Variants in RNF31 observed in about 807,000 individuals in gnomAD.
RNF31 encodes E3 ubiquitin-protein ligase RNF31.
In RNF31, 38 loss-of-function variants were observed where a neutral mutation model predicts 133.6. The observed-to-expected ratio is 0.28, with a 90% CI of 0.22 to 0.37. The LOEUF (loss-of-function observed/expected upper bound fraction) is 0.37. Ranked by LOEUF, RNF31 falls within the 10% of genes least tolerant of loss-of-function variation. RNF31 has a pLI of 1.00. For synonymous variants in RNF31, 582 were observed against 552.3 expected (o/e 1.05, Z -0.75); for missense variants, 1,118 against 1,394.1 (o/e 0.80, Z 3.15).
upstream of RNF31, chr14:24,147,253 A>T (rs1180070265): frequency 6.0e-6 from 1 of 167,620 alleles, no homozygotes; most frequent in African/African-American, 2.4e-5. Context: ...GCTGAATAGG[A>T]TAACCCCGCG....
chr14:24,152,426 C>T (rs78790231), intron 11 of RNF31, among the ~76,000 whole-genome samples: 1 of 107,200 alleles, frequency 9.3e-6, no homozygotes, highest in African/African-American at 4.5e-5. Flanking sequence ...TATTTATTTA[C>T]TTATTTATTT....
rs757086038 is a variant in RNF31, at chr14:24,155,115, T to C, written c.2131-42T>C. 1.3e-6 allele frequency: 2 copies of C among 1,592,430 alleles called. No individual in the cohort carries two copies. The highest frequency in any genetic ancestry group is 2.7e-5 in the African/African-American group (2 of 74,550). ...ACTGCCTCTTCCCTAGCCTGGCAGCTGTGGCTTCTGACCCCCTCCCCTCCA... is the reference window on the plus strand; with the variant it reads ...ACTGCCTCTTCCCTAGCCTGGCAGCCGTGGCTTCTGACCCCCTCCCCTCCA... On this transcript the variant is annotated intron_variant, in intron 11 of 20. Transcript: ENST00000324103. The surrounding 1 kb of genome is among the most constrained non-coding windows in gnomAD (Gnocchi z 4.9).
chr14:24,149,425 C>T lies in RNF31; in HGVS notation c.651C>T (p.Cys217=). Residue 217 remains cysteine (C), a synonymous_variant, in exon 6 of 21, where the codon TGC becomes TGT. Transcript: ENST00000324103. ...CTCCAGGCTCCACTCCTGGTCCCTG[C>T]TTCCTCTGTGGTTCTGCCCCAGGCA... ...PSVPGSTPGP[C]FLCGSAPGTL... 1 of 1,614,062 alleles carries T rather than the reference C, an allele frequency of 6.2e-7. No homozygotes were observed.
chr14:24,160,288 G>A lies in RNF31; in HGVS notation c.3046G>A (p.Asp1016Asn). ...GAGCCTCATCAATGCCCACTCGCTG[G>A]ACCCAGCCACCTTGTATGAGGTGGA... ...LVSLINAHSL[D>N]PATLYEVEEL... The change falls in exon 20 of 21, where the codon GAC becomes AAC. Residue 1016 changes from aspartate to asparagine, a missense_variant. Asp to Asn is a conservative substitution (Grantham distance 23). This residue lies in a region of RNF31 where 170 missense variants were observed against 194.5 expected (regional missense o/e 0.87). Transcript: ENST00000324103. The surrounding 1 kb of genome is among the most constrained non-coding windows in gnomAD (Gnocchi z 4.0). 6.2e-7 allele frequency: 1 copy of A among 1,614,090 alleles called. No individual in the cohort carries two copies. Among genetic ancestry groups the A allele is most frequent in the Non-Finnish European group, 8.5e-7 (1 of 1,180,032 alleles).
chr14:24,159,363 A>AG (rs912079677), intron 18 of RNF31, among the ~76,000 whole-genome samples: 3 of 150,624 alleles, frequency 2.0e-5, no homozygotes, highest in Non-Finnish European at 3.0e-5. Flanking sequence ...AAAAAAAAAA[A>AG]AAAAAAAAAC....
intron 14 of RNF31, 104 bp from the exon 15 acceptor site, chr14:24,157,186 C>T: frequency 1.3e-6 from 1 of 786,868 alleles, no homozygotes; most frequent in East Asian, 2.7e-5. Context: ...GTGGCAGTGA[C>T]ATAAACCAAG....
chr14:24,159,373 C>A (rs1460683367), intron 18 of RNF31, among the ~76,000 whole-genome samples: 29 of 128,996 alleles, frequency 2.2e-4, no homozygotes, highest in East Asian at 6.3e-4. Flanking sequence ...AAAAAAAAAA[C>A]CAGAGGTAGC....
At chr14:24,152,580 G>A (rs965026481) in intron 11 of RNF31, among the ~76,000 whole-genome samples, 16 of 72,026 alleles carry the variant, frequency 2.2e-4, no homozygotes, top group East Asian at 1.7e-3. Flanking sequence ...CACCACACTC[G>A]GCTAATTTTT....
chr14:24,149,293 T>C, intron 5 of RNF31, 113 bp from the exon 6 acceptor site: 1 of 1,117,852 alleles, frequency 8.9e-7, no homozygotes. Flanking sequence ...TTAAAATTGT[T>C]TCCTTGGGTC....
chr14:24,159,161 A>T (rs1301598883), intron 18 of RNF31, among the ~76,000 whole-genome samples: 3 of 151,690 alleles, frequency 2.0e-5, no homozygotes, highest in African/African-American at 2.4e-5. Context: ...CCTGGCCAAC[A>T]AGGTGAAACC....
intron 5 of RNF31, 50 bp from the exon 6 acceptor site, chr14:24,149,356 A>C: frequency 9.5e-6 from 15 of 1,571,692 alleles, no homozygotes; most frequent in Non-Finnish European, 1.3e-5. Flanking sequence ...GCAGATTCAG[A>C]TGTAGCCTGG....
At position 24,155,768 on chromosome 14, in the gene RNF31, G is replaced by A. The variant is rs2038333300; in HGVS notation, c.2493+76G>A. The stretch of plus-strand genomic sequence containing the variant: ...CTGTGTTAGACTCAGGGGAGTTTGT[G>A]TACTGGAGAGCAAAACAGACATGAG... On this transcript the variant is annotated intron_variant, in intron 14 of 20. Coordinates refer to ENST00000324103, the MANE Select transcript of RNF31 (RefSeq NM_017999.5). The surrounding 1 kb of genome is among the most constrained non-coding windows in gnomAD (Gnocchi z 4.9). The A allele has an allele frequency of 2.4e-6, 3 of 1,274,488 alleles. No homozygotes were observed. The highest frequency in any genetic ancestry group is 3.4e-6 in the Non-Finnish European group (3 of 879,098). 78.9% of individuals were successfully genotyped at this position (1,274,488 alleles called of 1,614,324 possible).
chr14:24,150,843 A>C lies in RNF31; in HGVS notation c.1443A>C (p.Gln481His). The part of the protein sequence containing the change: ...SSCGDPEKQR[Q>H]DKMREEGLQL... ...GTGGAGATCCTGAGAAGCAGCGCCA[A>C]GACAAGATGCGGGAAGAAGGCCTCC... The change falls in exon 8 of 21, where the codon CAA becomes CAC. Residue 481 changes from glutamine to histidine, a missense_variant. Transcript: ENST00000324103. 3 of 1,577,094 alleles carry C rather than the reference A, an allele frequency of 1.9e-6. No individual in the cohort carries two copies. Among genetic ancestry groups the C allele is most frequent in the Non-Finnish European group, 1.7e-6 (2 of 1,160,190 alleles).
chr14:24,154,888 A>G (rs2038319106), intron 11 of RNF31: 2 of 489,528 alleles, frequency 4.1e-6, no homozygotes, highest in Non-Finnish European at 7.3e-6. Context: ...TGTCATTTCA[A>G]GCATGTTATT....
At position 24,148,281 on chromosome 14, in the gene RNF31, A is replaced by G. The variant is rs2038203637; in HGVS notation, c.363A>G (p.Leu121=). ...AGGGGGGCCGAGATGTGCTGCGATT[A>G]TATGGCTACACAGAGGAGCAACCAG... The part of the protein sequence containing the change: ...AVQGGRDVLR[L]YGYTEEQPDG... Residue 121 remains leucine (L), a synonymous_variant, in exon 3 of 21, where the codon TTA becomes TTG. Coordinates refer to ENST00000324103, the MANE Select transcript of RNF31 (RefSeq NM_017999.5). 1 of 1,614,068 alleles carries G rather than the reference A, an allele frequency of 6.2e-7. No homozygotes were observed. The highest frequency in any genetic ancestry group is 8.5e-7 in the Non-Finnish European group (1 of 1,180,044).
At position 24,155,822 on chromosome 14, in the gene RNF31, C is replaced by G. The variant is rs4982862; in HGVS notation, c.2493+130C>G. 398,564 of 711,224 alleles carry G rather than the reference C, an allele frequency of 0.56. 118,934 individuals carry two copies. Among genetic ancestry groups the G allele is most frequent in the East Asian group, 0.89 (33,136 of 37,288 alleles). The allele number at this position is 711,224 out of a possible 1,614,324, so 44.1% of individuals were successfully genotyped here. A position where few individuals can be genotyped will look rare whatever the true frequency, so the allele number is the denominator to read the frequency against. ...TGAGGTCAAAAGAGCTTACAGACTA[C>G]TCAGAAAGACTAGGCACAAGGAGAA... On this transcript the variant is annotated intron_variant, in intron 14 of 20. Transcript: ENST00000324103. This position sits in a 1 kb window ranked among gnomAD's most constrained non-coding sequence, Gnocchi z 4.9.
intron 3 of RNF31, 43 bp from the exon 4 acceptor site, chr14:24,148,599 C>T (rs1419342713): frequency 1.9e-6 from 3 of 1,607,354 alleles, no homozygotes; most frequent in East Asian, 2.2e-5. Context: ...GGGCTTTGTT[C>T]TAGGGGTCTA....
At position 24,157,912 on chromosome 14, in the gene RNF31, T is replaced by C; in HGVS notation, c.2742T>C (p.Pro914=). Residue 914 remains proline (P), a synonymous_variant, in exon 17 of 21, where the codon CCT becomes CCC. Coordinates refer to ENST00000324103, the MANE Select transcript of RNF31 (RefSeq NM_017999.5). ...GTTTCTGCCAGAAATGTCCAGAGCCTAACTGCAGGGTGAAAAAGTCCCTGC... is the reference window on the plus strand; with the variant it reads ...GTTTCTGCCAGAAATGTCCAGAGCCCAACTGCAGGGTGAAAAAGTCCCTGC... ...AFYAKNKCPE[P]NCRVKKSLHG... is the part of the protein sequence containing the mutation. The C allele has an allele frequency of 6.2e-7, 1 of 1,613,958 alleles. No individual in the cohort carries two copies. The highest frequency in any genetic ancestry group is 8.5e-7 in the Non-Finnish European group (1 of 1,179,976).
chr14:24,150,440 C>G lies in RNF31; in HGVS notation c.1189C>G (p.Pro397Ala). 6.2e-7 allele frequency: 1 copy of G among 1,609,306 alleles called. No individual in the cohort carries two copies. ...DSRDAGICLQ[P>A]LQQGDALLAS... is the part of the protein sequence containing the mutation. ...CCGAGATGCTGGCATTTGCCTGCAA[C>G]CCCTTCAGGTAACTGGCCTTCCCAG... Residue 397 changes from proline (P) to alanine (A), a missense_variant, in exon 7 of 21, where the codon CCC becomes GCC. Pro to Ala is a conservative substitution (Grantham distance 27). Around this residue, in one of 3 missense-constraint regions of RNF31, gnomAD observed 747 missense variants for 827.9 expected, o/e 0.90. Coordinates refer to ENST00000324103, the MANE Select transcript of RNF31 (RefSeq NM_017999.5).
Sources: allele counts gnomAD v4.1 joint callset (sites outside exome capture counted in the v4.1 genomes callset), GRCh38; gene constraint gnomAD v4.1.1; regional missense constraint gnomAD v4.1.1; non-coding constraint Gnocchi (gnomAD v3.1); transcripts MANE v1.5; gene names NCBI Gene and HGNC (gene_info 2026-07-23, HGNC 2026-07-21).